The following ACYP1 variants were observed in gnomAD, a reference collection of about 807,000 sequenced individuals.
ACYP1 encodes the protein acylphosphatase 1, also known as acylphosphatase-1.
In ACYP1, 8 loss-of-function variants were observed where a neutral mutation model predicts 10.4. The observed-to-expected ratio is 0.77, with a 90% CI of 0.45 to 1.38. The LOEUF (loss-of-function observed/expected upper bound fraction) is 1.38. ACYP1 is among the 40% of genes most tolerant of loss of function. ACYP1 has a pLI of 0.00. For synonymous variants in ACYP1, 38 were observed against 40.8 expected, an observed-to-expected ratio of 0.93 and a Z score of 0.26; for missense variants, 93 against 117.3, an observed-to-expected ratio of 0.79 and a Z score of 0.96.
intron 2 of ACYP1, among the ~76,000 whole-genome samples, chr14:75,057,398 TAA>T (rs1892901972): frequency 6.6e-6 from 1 of 151,558 alleles, no homozygotes; most frequent in Non-Finnish European, 1.5e-5. Context: ...TTGAAATACT[TAA>T]CATTGTTAAG....
chr14:75,056,633 CA>C lies in ACYP1; in HGVS notation c.85-2975del, dbSNP rs1336711372. On this transcript the variant is annotated intron_variant, in intron 2 of 2. Coordinates refer to ENST00000238618, the MANE Select transcript of ACYP1 (RefSeq NM_001107.5). ...TGAACAGAGATGCAAAAATCATCAG[CA>C]AAATACTAGCAAACCAAATCAGGCA... 4.0e-5 allele frequency among the ~76,000 whole-genome samples: 6 copies of C among 151,236 alleles called. 2 individuals carry two copies. Among genetic ancestry groups the C allele is most frequent in the African/African-American group, 1.5e-4 (6 of 40,776 alleles).
chr14:75,065,746 G>A (rs1394199782), upstream of ACYP1, among the ~76,000 whole-genome samples: 1 of 152,170 alleles, frequency 6.6e-6, no homozygotes, highest in African/African-American at 2.4e-5. Context: ...GCTATAACAA[G>A]GACAGAAAAT....
At chr14:75,069,286 C>T (rs1289031597) in exon 1 of ACYP1, 3 of 1,436,174 alleles carry the variant, frequency 2.1e-6, no homozygotes, top group Admixed American at 6.2e-5. Flanking sequence ...GGGCGGACGC[C>T]GGCATCCTGC....
upstream of ACYP1, among the ~76,000 whole-genome samples, chr14:75,066,704 T>C (rs970907559): frequency 6.6e-6 from 1 of 151,962 alleles, no homozygotes; most frequent in Non-Finnish European, 1.5e-5. Context: ...ATACAGAAAT[T>C]AGTTGGGCGT....
intron 2 of ACYP1, 144 bp from the exon 3 acceptor site, chr14:75,053,803 A>AT: frequency 1.4e-6 from 1 of 707,400 alleles, no homozygotes; most frequent in Non-Finnish European, 2.3e-6. Flanking sequence ...AAAGACAGCA[A>AT]GAAGGATCTC....
chr14:75,060,186 AT>A, intron 2 of ACYP1: 1 of 639,720 alleles, frequency 1.6e-6, no homozygotes, highest in Non-Finnish European at 2.8e-6. Flanking sequence ...TATCCTTTTT[AT>A]TTTTTTAATG....
chr14:75,059,064 A>G (rs1383988786), intron 2 of ACYP1, among the ~76,000 whole-genome samples: 1 of 150,618 alleles, frequency 6.6e-6, no homozygotes, highest in Non-Finnish European at 1.5e-5. Flanking sequence ...TGGGCGTGAT[A>G]TAGCACACCT....
At chr14:75,053,686 T>C in intron 2 of ACYP1, 27 bp from the exon 3 acceptor site, 1 of 1,596,112 alleles carries the variant, frequency 6.3e-7, no homozygotes, top group Non-Finnish European at 8.6e-7. Context: ...GAGAGAGAGA[T>C]CCAGTGAGAT....
chr14:75,069,322 A>G, exon 1 of ACYP1: 1 of 1,409,430 alleles, frequency 7.1e-7, no homozygotes, highest in Non-Finnish European at 9.2e-7. Context: ...AGGCACAGCC[A>G]GGGCCTCCGC....
In ACYP1 at chr14:75,053,306, A is replaced by T; in HGVS notation, c.*138T>A. 1 of 732,482 alleles carries T rather than the reference A, an allele frequency of 1.4e-6. No homozygotes were observed. Among genetic ancestry groups the T allele is most frequent in the Non-Finnish European group, 2.3e-6 (1 of 439,302 alleles). 45.4% of individuals were successfully genotyped at this position (732,482 alleles called of 1,614,324 possible). ...GTGGTAATCCTTCCATCATACAGGT[A>T]ATATATAATAACATTCAAAAATCTG... On this transcript the variant is annotated 3_prime_UTR_variant, in exon 3 of 3. Coordinates refer to ENST00000238618, the MANE Select transcript of ACYP1 (RefSeq NM_001107.5).
In ACYP1 at chr14:75,069,167, G is replaced by A. The variant is rs1320977027; in HGVS notation, c.82+43C>T. On this transcript the variant is annotated intron_variant, in intron 1 of 2. Coordinates refer to the ACYP1 transcript ENST00000555463. ...AAAAACGTTGGCAGCAAGTTCCAAA[G>A]CCTTGGCGAGGACAAGCAAGGAGCG... 3 of 1,507,054 alleles carry A rather than the reference G, an allele frequency of 2.0e-6. No individual in the cohort carries two copies. In the South Asian group the frequency reaches 3.7e-5, roughly 18 times the overall value. The allele number at this position is 1,507,054 out of a possible 1,614,324, so 93.4% of individuals were successfully genotyped here.
At chr14:75,066,683 C>A (rs1893147629), upstream of ACYP1, among the ~76,000 whole-genome samples, 1 of 152,090 alleles carries the variant, frequency 6.6e-6, no homozygotes, top group Non-Finnish European at 1.5e-5. Context: ...GAAACCCCAT[C>A]TCTACTAAAA....
intron 2 of ACYP1, among the ~76,000 whole-genome samples, chr14:75,060,794 G>A (rs565748782): frequency 2.1e-4 from 32 of 152,248 alleles, no homozygotes; most frequent in African/African-American, 2.6e-4. Context: ...GGCTGAACAC[G>A]GTGGCTCATG....
At chr14:75,061,917 C>G (rs1221560440) in intron 2 of ACYP1, among the ~76,000 whole-genome samples, 2 of 151,938 alleles carry the variant, frequency 1.3e-5, no homozygotes, top group Non-Finnish European at 2.9e-5. Context: ...GCCTGACCAA[C>G]ATGGAAAAAC....
Position 75,053,531 on chromosome 14 carries a change from ACTT to A in ACYP1, c.210_212del (p.Ser71del), listed in dbSNP as rs1210666076. The A allele has an allele frequency of 2.5e-6, 4 of 1,613,924 alleles. No homozygotes were observed. In the East Asian group the frequency reaches 8.9e-5, roughly 36 times the overall value. On this transcript the variant is annotated inframe_deletion, in exon 3 of 3. Coordinates refer to ENST00000238618, the MANE Select transcript of ACYP1 (RefSeq NM_001107.5). ...TTGCTTTGTCGATGTGTGATTTAGG[ACTT>A]CCTCTTGTTTCAAGCCATTCCTGCA...
chr14:75,062,639 C>A (rs1893052801), intron 2 of ACYP1, among the ~76,000 whole-genome samples: 2 of 132,760 alleles, frequency 1.5e-5, no homozygotes, highest in Admixed American at 1.6e-4. Flanking sequence ...GATGGTGAAA[C>A]CCTGTCTCTA....
At chr14:75,068,361 C>G (rs1343438163), upstream of ACYP1, among the ~76,000 whole-genome samples, 1 of 151,948 alleles carries the variant, frequency 6.6e-6, no homozygotes, top group African/African-American at 2.4e-5. Flanking sequence ...CAAAACAAAA[C>G]AAAAATGCAG....
At position 75,063,612 on chromosome 14, in the gene ACYP1, C is replaced by G. The variant is rs896469308; in HGVS notation, c.-8-51G>C. 8.6e-6 allele frequency: 13 copies of G among 1,510,186 alleles called. No homozygotes were observed. In the East Asian group the frequency reaches 2.5e-4, roughly 29 times the overall value. The allele number at this position is 1,510,186 out of a possible 1,614,324, so 93.5% of individuals were successfully genotyped here. On this transcript the variant is annotated intron_variant, in intron 1 of 2. Coordinates refer to ENST00000238618, the MANE Select transcript of ACYP1 (RefSeq NM_001107.5). ...AGTGAAGGGCTATTATTCCAGGACC[C>G]GCAAGCCTGAGTCAGAAAGGGCCAC...
intron 2 of ACYP1, 87 bp downstream of exon 2, chr14:75,063,383 G>C (rs1893076823): frequency 9.2e-7 from 1 of 1,084,162 alleles, no homozygotes; most frequent in Non-Finnish European, 1.4e-6. Flanking sequence ...ATAGCCAGCG[G>C]CTTCTAGTTC....
Sources: gnomAD v4.1 joint callset for allele counts (sites outside exome capture counted in the v4.1 genomes callset) on GRCh38, gnomAD v4.1.1 for gene constraint, MANE v1.5 for transcripts, NCBI Gene and HGNC (gene_info 2026-07-23, HGNC 2026-07-21) for gene names.